The following BAG3 variants were observed in gnomAD, a reference collection of about 807,000 sequenced individuals.
BAG3 encodes the protein BAG cochaperone 3.
In BAG3, 14 loss-of-function variants were observed where a neutral mutation model predicts 40.5. The ratio of observed to expected loss-of-function variants is 0.35; its 90% confidence interval spans 0.23 to 0.54. The LOEUF is 0.54. Among genes scored for constraint, BAG3 ranks in the 20% least tolerant of loss-of-function variants. The probability of loss-of-function intolerance (pLI) is 0.91; values close to 1 mark genes in which losing one functional copy is unlikely to be tolerated. For missense variants in BAG3, 788 were observed against 758.6 expected (o/e 1.04, Z -0.46); for synonymous variants, 302 against 307.8 (o/e 0.98, Z 0.20).
chr10:119,663,071 G>A (rs906060195), intron 1 of BAG3, among the ~76,000 whole-genome samples: 4 of 152,212 alleles, frequency 2.6e-5, no homozygotes, highest in African/African-American at 9.6e-5. Flanking sequence ...GGGGCTCACA[G>A]AAGGTGCCCA....
chr10:119,653,790 G>A (rs1391222070), intron 1 of BAG3, among the ~76,000 whole-genome samples: 3 of 152,152 alleles, frequency 2.0e-5, no homozygotes, highest in Non-Finnish European at 4.4e-5. Flanking sequence ...CCAACAACAG[G>A]GAGAGAACTA....
rs1399711274 is a variant in BAG3, at chr10:119,677,392, T to G, written c.*110T>G. The G allele has an allele frequency of 1.5e-6, 2 of 1,373,218 alleles. No homozygotes were observed. The highest frequency in any genetic ancestry group is 2.0e-6 in the Non-Finnish European group (2 of 981,488). 85.1% of individuals were successfully genotyped at this position (1,373,218 alleles called of 1,614,324 possible). A position where few individuals can be genotyped will look rare whatever the true frequency, so the allele number is the denominator to read the frequency against. On this transcript the variant is annotated 3_prime_UTR_variant, in exon 4 of 4. Transcript: ENST00000369085. ...GTTGGTTTTTATTAGCTGCTTGGTA[T>G]GCAGTAACTTGGGTGGAGGCAAAAC... is the stretch of plus-strand genomic sequence containing the variant.
At position 119,670,141 on chromosome 10, in the gene BAG3, G is replaced by A. The variant is rs148985314; in HGVS notation, c.471G>A (p.Ala157=). The change falls in exon 2 of 4, where the codon GCG becomes GCA. Residue 157 remains alanine, a synonymous_variant. Transcript: ENST00000369085. ...PDKQCGQVAA[A]AAAQPPASHG... ...AACAGTGTGGACAGGTGGCAGCGGC[G>A]GCGGCAGCCCAGCCCCCAGCCTCCC... 4.3e-5 allele frequency: 69 copies of A among 1,612,396 alleles called. No homozygotes were observed. The African/African-American group carries it at 5.6e-4, about 13-fold the overall frequency.
At position 119,676,449 on chromosome 10, in the gene BAG3, G is replaced by A; in HGVS notation, c.910-15G>A. Reference sequence around the variant, plus strand: ...AGTCAGTTATTAAAAATATATTTTTGTGTCCTTTTTTCAGCAGCCCATGAC... The same window carrying A: ...AGTCAGTTATTAAAAATATATTTTTATGTCCTTTTTTCAGCAGCCCATGAC... On this transcript the variant is annotated splice_polypyrimidine_tract_variant and intron_variant, in intron 3 of 3. Transcript: ENST00000369085. 6.2e-7 allele frequency: 1 copy of A among 1,612,622 alleles called. No homozygotes were observed. Among genetic ancestry groups the A allele is most frequent in the Non-Finnish European group, 8.5e-7 (1 of 1,178,970 alleles).
intron 1 of BAG3, among the ~76,000 whole-genome samples, chr10:119,665,175 C>T (rs1329490610): frequency 8.0e-6 from 1 of 124,656 alleles, no homozygotes; most frequent in South Asian, 2.5e-4. Flanking sequence ...CTTGCTCTGT[C>T]GCCCAGGCTG....
chr10:119,665,478 C>T (rs1343883536), intron 1 of BAG3, among the ~76,000 whole-genome samples: 1 of 151,922 alleles, frequency 6.6e-6, no homozygotes, highest in African/African-American at 2.4e-5. Context: ...GGGGTTTCAT[C>T]ACGTTGGCCA....
rs1057522401 is a variant in BAG3 at position 119,676,589 on chromosome 10, G to C, written c.1035G>C (p.Glu345Asp). 1.9e-6 allele frequency: 3 copies of C among 1,614,068 alleles called. No individual in the cohort carries two copies. Among genetic ancestry groups the C allele is most frequent in the Admixed American group, 3.3e-5 (2 of 60,024 alleles). ...GHIPIQVIRK[E>D]VDSKPVSQKP... ...TCCCAATTCAAGTGATCCGCAAAGA[G>C]GTGGATTCTAAACCTGTTTCCCAGA... is the stretch of plus-strand genomic sequence containing the variant. Residue 345 changes from glutamate (E) to aspartate (D), a missense_variant, in exon 4 of 4, where the codon GAG becomes GAC. Coordinates refer to ENST00000369085, the MANE Select transcript of BAG3 (RefSeq NM_004281.4).
chr10:119,676,392 T>C, intron 3 of BAG3, 72 bp from the exon 4 acceptor site: 1 of 1,520,046 alleles, frequency 6.6e-7, no homozygotes, highest in South Asian at 1.1e-5. Context: ...CTTTCTAATC[T>C]GTACTAGCTA....
intron 1 of BAG3, among the ~76,000 whole-genome samples, chr10:119,668,508 T>C (rs1255371861): frequency 6.6e-6 from 1 of 152,256 alleles, no homozygotes; most frequent in African/African-American, 2.4e-5. Flanking sequence ...ATGACACTTA[T>C]CAGTAGCTCC....
intron 3 of BAG3, among the ~76,000 whole-genome samples, chr10:119,675,919 T>TCCTCCCCCCCTTCCTCCCTCCCTC (rs1847227840): frequency 9.9e-5 from 1 of 10,132 alleles, no homozygotes; most frequent in African/African-American, 5.0e-4. Context: ...CTTCCTTCCT[T>TCCTCCCCCCCTTCCTCCCTCCCTC]CCTCCCTCCC....
chr10:119,653,572 G>GA (rs1846871594), intron 1 of BAG3, among the ~76,000 whole-genome samples: 1 of 151,946 alleles, frequency 6.6e-6, no homozygotes, highest in African/African-American at 2.4e-5. Flanking sequence ...CTTATTAAAA[G>GA]AAAAAAAGCA....
intron 3 of BAG3, among the ~76,000 whole-genome samples, chr10:119,674,546 A>C (rs991912551): frequency 1.3e-5 from 2 of 152,226 alleles, no homozygotes; most frequent in African/African-American, 2.4e-5. Flanking sequence ...TGAACGTTAT[A>C]GTGGAATTGA....
intron 3 of BAG3, among the ~76,000 whole-genome samples, chr10:119,673,015 T>C (rs973313451): frequency 6.6e-6 from 1 of 152,108 alleles, no homozygotes; most frequent in African/African-American, 2.4e-5. Context: ...AGCCTCACCT[T>C]GGGTGTAGGC....
chr10:119,660,968 C>G (rs552603291), intron 1 of BAG3, among the ~76,000 whole-genome samples: 1 of 152,328 alleles, frequency 6.6e-6, no homozygotes, highest in South Asian at 2.1e-4. Flanking sequence ...TGGCACATGC[C>G]TGTAATCCCA....
At chr10:119,652,572 A>C (rs1467479982) in intron 1 of BAG3, among the ~76,000 whole-genome samples, 4 of 152,246 alleles carry the variant, frequency 2.6e-5, no homozygotes, top group African/African-American at 9.6e-5. Flanking sequence ...CAGTTTCTAG[A>C]GATCTAGACT....
At chr10:119,661,079 G>C (rs935382482) in intron 1 of BAG3, among the ~76,000 whole-genome samples, 3 of 151,672 alleles carry the variant, frequency 2.0e-5, no homozygotes, top group Non-Finnish European at 2.9e-5. Context: ...GGCAATAAGA[G>C]TGAATCTTCG....
At chr10:119,665,436 A>T in intron 1 of BAG3, among the ~76,000 whole-genome samples, 1 of 151,516 alleles carries the variant, frequency 6.6e-6, no homozygotes. Flanking sequence ...CACCGCGCCC[A>T]GCCTAATTTT....
chr10:119,651,724 G>C lies in BAG3; in HGVS notation c.49G>C (p.Gly17Arg), dbSNP rs727502895. ...CATGATGCAGGTGGCGTCCGGCAACGGTGACCGCGACCCTTTGCCCCCCGG... is the reference window on the plus strand; with the variant it reads ...CATGATGCAGGTGGCGTCCGGCAACCGTGACCGCGACCCTTTGCCCCCCGG... ...SPMMQVASGNGDRDPLPPGWE... is the reference protein window; with the variant it reads ...SPMMQVASGNRDRDPLPPGWE... The change falls in exon 1 of 4, where the codon GGT (glycine) becomes CGT (arginine). Residue 17 changes from glycine to arginine, a missense_variant. Coordinates refer to ENST00000369085, the MANE Select transcript of BAG3 (RefSeq NM_004281.4). The C allele has an allele frequency of 1.9e-5, 30 of 1,596,366 alleles. No individual in the cohort carries two copies. Among genetic ancestry groups the C allele is most frequent in the Middle Eastern group, 1.7e-4 (1 of 6,022 alleles).
intron 1 of BAG3, among the ~76,000 whole-genome samples, chr10:119,652,104 C>T (rs1846850764): frequency 6.6e-6 from 1 of 152,068 alleles, no homozygotes; most frequent in African/African-American, 2.4e-5. Flanking sequence ...CGGGAAGCGA[C>T]CCCGCAGTGG....
Sources: gnomAD v4.1 joint callset for allele counts (sites outside exome capture counted in the v4.1 genomes callset) on GRCh38, gnomAD v4.1.1 for gene constraint, MANE v1.5 for transcripts, NCBI Gene and HGNC (gene_info 2026-07-23, HGNC 2026-07-21) for gene names.